Variants in PPAT observed in about 807,000 individuals in gnomAD.
PPAT encodes phosphoribosyl pyrophosphate amidotransferase, also known as amidophosphoribosyltransferase.
In PPAT, 20 loss-of-function variants were observed where a neutral mutation model predicts 60.2. The ratio of observed to expected loss-of-function variants is 0.33; its 90% confidence interval spans 0.23 to 0.48. The LOEUF (loss-of-function observed/expected upper bound fraction) is 0.48. Among genes scored for constraint, PPAT ranks in the 20% least tolerant of loss-of-function variants. The pLI is 0.99. For missense variants in PPAT, 349 were observed against 629.6 expected, an observed-to-expected ratio of 0.55 and a Z score of 4.77; for synonymous variants, 194 against 215.1, an observed-to-expected ratio of 0.90 and a Z score of 0.86.
intron 1 of PPAT, among the ~76,000 whole-genome samples, chr4:56,419,273 A>G (rs1716920923): frequency 6.6e-6 from 1 of 152,264 alleles, no homozygotes. Context: ...ACTGTTTTCT[A>G]TAGTAAATGC....
At chr4:56,419,770 G>A (rs895679129) in intron 1 of PPAT, 2 of 985,000 alleles carry the variant, frequency 2.0e-6, no homozygotes, top group East Asian at 1.1e-4. Flanking sequence ...GGAACAGTGA[G>A]AAATAAGAGG....
intron 1 of PPAT, among the ~76,000 whole-genome samples, chr4:56,416,059 G>T (rs1716718473): frequency 1.0e-5 from 1 of 98,722 alleles, no homozygotes. Flanking sequence ...GACAGAGTAA[G>T]ACTCTGTCTC....
chr4:56,403,765 T>C (rs887675044), intron 3 of PPAT, among the ~76,000 whole-genome samples: 8 of 152,196 alleles, frequency 5.3e-5, no homozygotes, highest in African/African-American at 1.7e-4. Context: ...CAGTCCCATC[T>C]GGGGGTGATG....
intron 1 of PPAT, chr4:56,410,899 T>TAAAAAAAAA (rs35668849): frequency 1.8e-5 from 12 of 678,548 alleles, no homozygotes; most frequent in African/African-American, 3.6e-5. Context: ...CCACTGAAGG[T>TAAAAAAAAA]AAAAAAAAAA....
intron 1 of PPAT, among the ~76,000 whole-genome samples, chr4:56,427,300 G>A (rs555030241): frequency 4.9e-4 from 75 of 152,258 alleles, no homozygotes; most frequent in Non-Finnish European, 6.8e-4. Context: ...AGGACCTGCA[G>A]TACTGTTTTT....
chr4:56,425,383 T>C, intron 1 of PPAT: 4 of 840,618 alleles, frequency 4.8e-6, no homozygotes, highest in Non-Finnish European at 5.7e-6. Context: ...TACATCCAGA[T>C]AGAGAAGAAC....
At position 56,397,579 on chromosome 4, in the gene PPAT, C is replaced by CAT. The variant is rs565939013; in HGVS notation, c.1237-842_1237-841dup. ...GGCTGAGACTTTATTTTTAAATTTA[C>CAT]ATAACTATTAGTTGTAAATGGCATC... On this transcript the variant is annotated intron_variant, in intron 9 of 10. Transcript: ENST00000264220. 3.9e-5 allele frequency among the ~76,000 whole-genome samples: 6 copies of CAT among 152,074 alleles called. No individual in the cohort carries two copies. In the South Asian group the frequency reaches 1.2e-3, roughly 31 times the overall value.
chr4:56,410,695 G>A, intron 1 of PPAT: 4 of 986,206 alleles, frequency 4.1e-6, no homozygotes, highest in Non-Finnish European at 4.8e-6. Context: ...AACAGTGCTG[G>A]GCTAAGTACA....
intron 1 of PPAT, among the ~76,000 whole-genome samples, chr4:56,423,887 T>C (rs915941099): frequency 6.6e-6 from 1 of 152,150 alleles, no homozygotes; most frequent in Non-Finnish European, 1.5e-5. Context: ...AATATATACC[T>C]ACTGATTCAC....
chr4:56,410,907 A>T (rs1408510567), intron 1 of PPAT: 7 of 465,660 alleles, frequency 1.5e-5, no homozygotes, highest in East Asian at 2.7e-4. Flanking sequence ...GGTAAAAAAA[A>T]AAAAAAAAAA....
chr4:56,393,625 A>T lies in PPAT; in HGVS notation c.*1727T>A, dbSNP rs767969352. ...AGAAATATTAAGAATCTGTAGAATT[A>T]CTAAACTGTCACAGTATTATTTTCC... On this transcript the variant is annotated 3_prime_UTR_variant, in exon 11 of 11. Transcript: ENST00000264220. The T allele has an allele frequency of 6.6e-6, 1 of 152,668 alleles. No individual in the cohort carries two copies. The highest frequency in any genetic ancestry group is 1.5e-5 in the Non-Finnish European group (1 of 68,044). 9.5% of individuals were successfully genotyped at this position (152,668 alleles called of 1,614,324 possible).
intron 1 of PPAT, among the ~76,000 whole-genome samples, chr4:56,425,161 C>T (rs903812948): frequency 1.3e-5 from 2 of 152,078 alleles, no homozygotes; most frequent in East Asian, 1.9e-4. Context: ...TCAAAGGGTA[C>T]GCTAAGAATT....
Position 56,398,299 on chromosome 4 carries a change from A to G in PPAT, c.1236+880T>C, listed in dbSNP as rs560849236. 2.6e-5 allele frequency among the ~76,000 whole-genome samples: 4 copies of G among 152,082 alleles called. No individual in the cohort carries two copies. In the South Asian group the frequency reaches 8.3e-4, roughly 32 times the overall value. On this transcript the variant is annotated intron_variant, in intron 9 of 10. Transcript: ENST00000264220. ...GTGGGAGGATTGCTTGAGCCCCAGA[A>G]GCAGAGGTTGCAGTGAGTTGAGATG...
Position 56,416,060 on chromosome 4 carries a change from ACT to A in PPAT, c.129-8346_129-8345del, listed in dbSNP as rs111234811. On this transcript the variant is annotated intron_variant, in intron 1 of 10. Coordinates refer to ENST00000264220, the MANE Select transcript of PPAT (RefSeq NM_002703.5). ...ACTCCAGCCTGGGCGACAGAGTAAGACTCTGTCTCAAAAAAAAAAAAAAAGTA... is the reference window on the plus strand; with the variant it reads ...ACTCCAGCCTGGGCGACAGAGTAAGACTGTCTCAAAAAAAAAAAAAAAGTA... Among the ~76,000 whole-genome samples, 55 of 90,106 alleles carry A rather than the reference ACT, an allele frequency of 6.1e-4. 1 individual carries two copies. The highest frequency in any genetic ancestry group is 1.9e-3 in the African/African-American group (50 of 26,312). The allele number at this position is 90,106 out of a possible 152,430, so 59.1% of individuals were successfully genotyped here.
chr4:56,416,651 T>C (rs1370908593), intron 1 of PPAT, among the ~76,000 whole-genome samples: 1 of 152,244 alleles, frequency 6.6e-6, no homozygotes, highest in Admixed American at 6.5e-5. Context: ...GGTTCTCTAA[T>C]TTCCGAACTT....
intron 1 of PPAT, chr4:56,414,415 C>T (rs1716615779): frequency 6.6e-6 from 1 of 152,244 alleles, no homozygotes; most frequent in South Asian, 2.1e-4. Flanking sequence ...GCTTCATCTT[C>T]TGCTAAATCT....
At chr4:56,414,365 T>C (rs1443467110) in intron 1 of PPAT, 1 of 152,184 alleles carries the variant, frequency 6.6e-6, no homozygotes, top group Non-Finnish European at 1.5e-5. Flanking sequence ...ACCAGAGCCA[T>C]GGCAAAAGAC....
rs2110035586 is a variant in PPAT at position 56,395,033 on chromosome 4, T to A, written c.*319A>T. On this transcript the variant is annotated 3_prime_UTR_variant, in exon 11 of 11. Coordinates refer to ENST00000264220, the MANE Select transcript of PPAT (RefSeq NM_002703.5). Reference sequence around the variant, plus strand: ...TGTTGGCATCACCTCTCCTTAACCCTAACTTCTTGCAAACCCTTTAAAGCA... The same window carrying A: ...TGTTGGCATCACCTCTCCTTAACCCAAACTTCTTGCAAACCCTTTAAAGCA... 7.6e-6 allele frequency: 2 copies of A among 264,188 alleles called. No individual in the cohort carries two copies. Among genetic ancestry groups the A allele is most frequent in the Middle Eastern group, 1.2e-3 (1 of 844 alleles). The allele number at this position is 264,188 out of a possible 1,614,324, so 16.4% of individuals were successfully genotyped here.
At chr4:56,413,198 C>CCAGA (rs1404873055) in intron 1 of PPAT, among the ~76,000 whole-genome samples, 1 of 152,164 alleles carries the variant, frequency 6.6e-6, no homozygotes, top group East Asian at 1.9e-4. Context: ...CTCACTCTGT[C>CCAGA]ACCCAGGCTG....
Sources: gnomAD v4.1 joint callset for allele counts (sites outside exome capture counted in the v4.1 genomes callset) on GRCh38, gnomAD v4.1.1 for gene constraint, MANE v1.5 for transcripts, NCBI Gene and HGNC (gene_info 2026-07-23, HGNC 2026-07-21) for gene names.